COL19A1: variants seen among roughly 807,000 people sequenced by gnomAD.
COL19A1 encodes collagen alpha-1(XIX) chain.
In COL19A1, 159 loss-of-function variants were observed where a neutral mutation model predicts 190.2. The observed-to-expected ratio is 0.84, with a 90% CI of 0.73 to 0.95. The LOEUF (loss-of-function observed/expected upper bound fraction) is 0.95. COL19A1 is among the 40% of genes least tolerant of loss of function. The pLI is 0.00. For missense variants in COL19A1, 1,418 were observed against 1,431.9 expected (o/e 0.99, Z 0.16); for synonymous variants, 509 against 458.9 (o/e 1.11, Z -1.39).
rs562566389 is a variant in COL19A1, at chr6:70,128,341, G to A, written c.1342-1841G>A. 4.6e-5 allele frequency among the ~76,000 whole-genome samples: 7 copies of A among 152,282 alleles called. No homozygotes were observed. The South Asian group carries it at 1.5e-3, about 32-fold the overall frequency. ...CCACAAAGGTAAATAAGAGTGCTGG[G>A]GAGAAAGTGTTGAGTCACAAAGAAG... is the stretch of plus-strand genomic sequence containing the variant. On this transcript the variant is annotated intron_variant, in intron 17 of 50. Coordinates refer to ENST00000620364, the MANE Select transcript of COL19A1 (RefSeq NM_001858.6).
rs186206884 is a variant in COL19A1 at position 69,922,628 on chromosome 6, G to A, written c.267-5281G>A. ...ACTGAGTAGCTGGGATTACAGGCGC[G>A]TGCCACCATGCCTGACTAATTTTTG... On this transcript the variant is annotated intron_variant, in intron 4 of 50. Coordinates refer to ENST00000620364, the MANE Select transcript of COL19A1 (RefSeq NM_001858.6). 2.1e-3 allele frequency among the ~76,000 whole-genome samples: 318 copies of A among 151,780 alleles called. 3 individuals are homozygous for A. The highest frequency in any genetic ancestry group is 6.8e-3 in the African/African-American group (283 of 41,384).
intron 48 of COL19A1, among the ~76,000 whole-genome samples, chr6:70,194,611 C>T (rs965168838): frequency 6.6e-6 from 1 of 152,174 alleles, no homozygotes; most frequent in Non-Finnish European, 1.5e-5. Context: ...TGTGTCTCAG[C>T]TTAGCATTTG....
Position 69,929,685 on chromosome 6 carries a change from T to A in COL19A1, c.651T>A (p.Asp217Glu). Residue 217 changes from aspartate (D) to glutamate (E), a missense_variant, in exon 6 of 51, where the codon GAT becomes GAA. Physicochemically the swap from Asp to Glu is conservative, Grantham distance 45. Coordinates refer to ENST00000620364, the MANE Select transcript of COL19A1 (RefSeq NM_001858.6). ...GRTVIATRAS[D>E]GKPVDIELHQ... ...CAGTTATTGCTACGCGAGCTTCAGATGGCAAGCCTGTGGATGTAAGTTGTG... is the reference window on the plus strand; with the variant it reads ...CAGTTATTGCTACGCGAGCTTCAGAAGGCAAGCCTGTGGATGTAAGTTGTG... 6.2e-7 allele frequency: 1 copy of A among 1,612,380 alleles called. No individual in the cohort carries two copies. Among genetic ancestry groups the A allele is most frequent in the Non-Finnish European group, 8.5e-7 (1 of 1,178,720 alleles).
chr6:69,948,543 C>T (rs1773951392), intron 9 of COL19A1, among the ~76,000 whole-genome samples: 1 of 151,670 alleles, frequency 6.6e-6, no homozygotes, highest in Non-Finnish European at 1.5e-5. Flanking sequence ...AGAATCAATC[C>T]TGTCAAAAGC....
chr6:69,909,679 C>A (rs1582364124), intron 4 of COL19A1, among the ~76,000 whole-genome samples: 1 of 152,022 alleles, frequency 6.6e-6, no homozygotes. Context: ...TTATCCATAT[C>A]CAAGGTGGCA....
At chr6:70,057,953 G>A (rs1276107404) in intron 14 of COL19A1, among the ~76,000 whole-genome samples, 1 of 152,076 alleles carries the variant, frequency 6.6e-6, no homozygotes, top group Non-Finnish European at 1.5e-5. Flanking sequence ...AGTATGGAAA[G>A]TGAGGACATA....
chr6:70,063,130 C>A (rs912349152), intron 14 of COL19A1, among the ~76,000 whole-genome samples: 1 of 152,124 alleles, frequency 6.6e-6, no homozygotes, highest in Non-Finnish European at 1.5e-5. Flanking sequence ...ACCAAGCAGA[C>A]CTAATACACA....
chr6:69,995,310 A>G (rs1776842865), intron 11 of COL19A1, among the ~76,000 whole-genome samples: 1 of 152,180 alleles, frequency 6.6e-6, no homozygotes, highest in African/African-American at 2.4e-5. Context: ...GAAGTCTGGA[A>G]ATTCTGAGAG....
At chr6:70,181,019 G>C (rs992921156) in intron 44 of COL19A1, among the ~76,000 whole-genome samples, 15 of 152,192 alleles carry the variant, frequency 9.9e-5, no homozygotes, top group African/African-American at 3.6e-4. Flanking sequence ...TTACTGATCT[G>C]TGGTATTGAT....
In COL19A1 at chr6:70,156,358, G is replaced by A. The variant is rs373865939; in HGVS notation, c.2227G>A (p.Glu743Lys). The change falls in exon 33 of 51, where the codon GAG becomes AAG. Residue 743 changes from glutamate to lysine, a missense_variant. Coordinates refer to ENST00000620364, the MANE Select transcript of COL19A1 (RefSeq NM_001858.6). ...PRGPPGIPGR[E>K]GPKGSKGERG... is the part of the protein sequence containing the mutation. ...GGGTCCTCCAGGAATCCCAGGAAGAGAGGGACCAAAGGTAAGAAATTCTCT... is the reference window on the plus strand; with the variant it reads ...GGGTCCTCCAGGAATCCCAGGAAGAAAGGGACCAAAGGTAAGAAATTCTCT... 6 of 1,613,372 alleles carry A rather than the reference G, an allele frequency of 3.7e-6. No individual in the cohort carries two copies. Among genetic ancestry groups the A allele is most frequent in the Non-Finnish European group, 5.1e-6 (6 of 1,179,570 alleles).
Position 69,889,222 on chromosome 6 carries a change from A to G in COL19A1, c.91+9564A>G, listed in dbSNP as rs1442458300. ...ATGTTGGAGAAGACTGCTAAATAGA[A>G]CTTGTATCAGACTAGACAGATTTTA... On this transcript the variant is annotated intron_variant, in intron 2 of 50. Coordinates refer to ENST00000620364, the MANE Select transcript of COL19A1 (RefSeq NM_001858.6). Among the ~76,000 whole-genome samples the G allele has an allele frequency of 2.0e-5, 3 of 152,220 alleles. No homozygotes were observed. In the East Asian group the frequency reaches 5.8e-4, roughly 29 times the overall value.
At chr6:70,139,443 C>G (rs894948301) in intron 19 of COL19A1, among the ~76,000 whole-genome samples, 4 of 151,982 alleles carry the variant, frequency 2.6e-5, no homozygotes, top group South Asian at 4.1e-4. Context: ...TTCCTCCTAA[C>G]TCTTCTCCAT....
chr6:70,009,857 A>T (rs577837667), intron 11 of COL19A1, among the ~76,000 whole-genome samples: 1 of 139,254 alleles, frequency 7.2e-6, no homozygotes, highest in Non-Finnish European at 1.5e-5. Flanking sequence ...TTTTTCAACA[A>T]CCCTTTTATA....
At chr6:70,140,055 T>C (rs1786141307) in intron 19 of COL19A1, among the ~76,000 whole-genome samples, 1 of 151,524 alleles carries the variant, frequency 6.6e-6, no homozygotes, top group South Asian at 2.1e-4. Flanking sequence ...AGAATATAAA[T>C]AAAGCCTTGA....
At chr6:70,206,872 T>G in intron 49 of COL19A1, 29 bp from the exon 50 acceptor site, 1 of 1,597,076 alleles carries the variant, frequency 6.3e-7, no homozygotes, top group African/African-American at 1.4e-5. Flanking sequence ...CCTTTTTGTG[T>G]GTCTCTTTTT....
chr6:70,101,354 T>A (rs2150187048), intron 15 of COL19A1, among the ~76,000 whole-genome samples: 1 of 152,246 alleles, frequency 6.6e-6, no homozygotes, highest in Non-Finnish European at 1.5e-5. Flanking sequence ...TTTAAGAAAA[T>A]AATTTTATAA....
intron 15 of COL19A1, among the ~76,000 whole-genome samples, chr6:70,088,738 G>A (rs1228077705): frequency 1.3e-5 from 2 of 152,068 alleles, no homozygotes; most frequent in East Asian, 3.8e-4. Flanking sequence ...TGAGCTCCTC[G>A]AGGGCAAGAT....
At chr6:70,043,472 G>A (rs1316380765) in intron 14 of COL19A1, among the ~76,000 whole-genome samples, 2 of 152,100 alleles carry the variant, frequency 1.3e-5, no homozygotes, top group Admixed American at 6.5e-5. Flanking sequence ...GATTACAGGC[G>A]TGAGCCACCG....
chr6:69,895,166 T>C (rs934673124), intron 2 of COL19A1, among the ~76,000 whole-genome samples: 1 of 151,962 alleles, frequency 6.6e-6, no homozygotes, highest in African/African-American at 2.4e-5. Context: ...GTCCTAGCAC[T>C]GCGTAGGGTG....
Sources: allele counts gnomAD v4.1 joint callset (sites outside exome capture counted in the v4.1 genomes callset), GRCh38; gene constraint gnomAD v4.1.1; transcripts MANE v1.5; gene names NCBI Gene and HGNC (gene_info 2026-07-23, HGNC 2026-07-21).